GSE1: variants seen among roughly 807,000 people sequenced by gnomAD.
The protein encoded by GSE1 is Gse1 coiled-coil protein.
A neutral mutation model predicts 112.6 loss-of-function variants in GSE1; 32 were observed. The ratio of observed to expected loss-of-function variants is 0.28; its 90% CI spans 0.21 to 0.38. The LOEUF is 0.38. GSE1 is among the 10% of genes least tolerant of loss of function. The pLI is 1.00. For synonymous variants in GSE1, 1,115 were observed against 735.6 expected (o/e 1.52, Z -8.35); for missense variants, 2,348 against 1,699.2 (o/e 1.38, Z -6.71).
At chr16:85,469,609 C>G (rs1031842375) in intron 2 of GSE1, among the ~76,000 whole-genome samples, 7 of 152,202 alleles carry the variant, frequency 4.6e-5, no homozygotes, top group African/African-American at 1.7e-4. Flanking sequence ...GTTAAAAATT[C>G]TGTCTAGTGT....
intron 1 of GSE1, among the ~76,000 whole-genome samples, chr16:85,566,713 T>C (rs1431558965): frequency 6.6e-6 from 1 of 152,160 alleles, no homozygotes; most frequent in African/African-American, 2.4e-5. Context: ...TGTAATTCAT[T>C]TAGGATTAGC....
intron 3 of GSE1, among the ~76,000 whole-genome samples, chr16:85,650,777 G>A (rs1350766184): frequency 6.6e-6 from 1 of 152,050 alleles, no homozygotes; most frequent in Non-Finnish European, 1.5e-5. Context: ...GAGTGGGGAG[G>A]CAGAGAGAGG....
rs556095151 is a variant in GSE1 at position 85,454,952 on chromosome 16, T to G, written c.2464+97309T>G. ...CCTGCCCAGGTGCGGAGGGTGAGGG[T>G]ATGGACAGATCTTTCTGGAGAGCCG... On this transcript the variant is annotated intron_variant, in intron 2 of 2. Transcript: ENST00000637419. Among the ~76,000 whole-genome samples the G allele has an allele frequency of 2.3e-3, 355 of 152,080 alleles. 1 individual carries two copies. Among genetic ancestry groups the G allele is most frequent in the South Asian group, 0.015 (71 of 4,822 alleles).
chr16:85,231,368 G>C (rs1041781927), intron 1 of GSE1, among the ~76,000 whole-genome samples: 3 of 147,838 alleles, frequency 2.0e-5, no homozygotes, highest in Non-Finnish European at 4.5e-5. Flanking sequence ...ATGGACAGAA[G>C]GATAGATGGA....
chr16:85,175,599 G>A (rs1310871382), intron 1 of GSE1, among the ~76,000 whole-genome samples: 2 of 152,212 alleles, frequency 1.3e-5, no homozygotes, highest in Non-Finnish European at 2.9e-5. Context: ...CTGGCGCGAC[G>A]CTGGGTTTCT....
At position 85,663,502 on chromosome 16, in the gene GSE1, G is replaced by A. The variant is rs1381844382; in HGVS notation, c.2532G>A (p.Ala844=). 3 of 1,613,766 alleles carry A rather than the reference G, an allele frequency of 1.9e-6. No homozygotes were observed. Among genetic ancestry groups the A allele is most frequent in the Admixed American group, 1.7e-5 (1 of 60,002 alleles). ...GGCAGACGCCTTCACCGAGACTGGC[G>A]CTGTCTACCCGCTACAGCCCTGATG... ...SKRQTPSPRL[A]LSTRYSPDEM... Residue 844 remains alanine, a synonymous_variant, in exon 11 of 16, where the codon GCG becomes GCA. Coordinates refer to ENST00000253458, the MANE Select transcript of GSE1 (RefSeq NM_014615.5).
intron 2 of GSE1, among the ~76,000 whole-genome samples, chr16:85,640,325 C>T (rs916672791): frequency 5.3e-5 from 8 of 152,362 alleles, no homozygotes; most frequent in East Asian, 1.9e-4. Context: ...AGGTGTTGGC[C>T]GCTGTGTTAC....
At position 85,238,808 on chromosome 16, in the gene GSE1, C is replaced by T. The variant is rs892634482; in HGVS notation, c.2283+67001C>T. 2.0e-5 allele frequency among the ~76,000 whole-genome samples: 3 copies of T among 152,338 alleles called. 1 individual carries two copies. The highest frequency in any genetic ancestry group is 6.8e-3 in the Middle Eastern group (2 of 294). On this transcript the variant is annotated intron_variant, in intron 1 of 2. Transcript: ENST00000637419. Reference sequence around the variant, plus strand: ...TGCCACCAAGCTACCCTTCCCCTAACTTATTCATCCACAGGGCTCCTTCCT... The same window carrying T: ...TGCCACCAAGCTACCCTTCCCCTAATTTATTCATCCACAGGGCTCCTTCCT...
At chr16:85,177,946 A>C (rs11642920) in intron 1 of GSE1, among the ~76,000 whole-genome samples, 44,894 of 152,046 alleles carry the variant, frequency 0.3, 7,482 homozygotes, top group East Asian at 0.47. Flanking sequence ...CTTGGAGAAG[A>C]GCACCCATAT....
intron 2 of GSE1, among the ~76,000 whole-genome samples, chr16:85,495,223 C>T (rs1004564918): frequency 6.6e-6 from 1 of 152,046 alleles, no homozygotes; most frequent in African/African-American, 2.4e-5. Flanking sequence ...AATACTGACC[C>T]CAAGTCAAGC....
chr16:85,255,494 T>C (rs7190621), intron 1 of GSE1, among the ~76,000 whole-genome samples: 120,954 of 151,186 alleles, frequency 0.8, 49,193 homozygotes, highest in African/African-American at 0.95. Context: ...TCACTGCAAC[T>C]TTTGCCTCCC....
At chr16:85,634,930 C>G (rs894386888) in intron 2 of GSE1, among the ~76,000 whole-genome samples, 1 of 151,962 alleles carries the variant, frequency 6.6e-6, no homozygotes, top group Non-Finnish European at 1.5e-5. Flanking sequence ...CTCGGACACC[C>G]TCTGGACTCG....
At chr16:85,503,613 T>C (rs1234413066) in intron 2 of GSE1, among the ~76,000 whole-genome samples, 1 of 152,162 alleles carries the variant, frequency 6.6e-6, no homozygotes, top group Non-Finnish European at 1.5e-5. Context: ...AATTATGATC[T>C]CTTGCCTTGT....
At chr16:85,288,851 G>T (rs919046014) in intron 1 of GSE1, among the ~76,000 whole-genome samples, 2 of 152,182 alleles carry the variant, frequency 1.3e-5, no homozygotes, top group Non-Finnish European at 2.9e-5. Context: ...GAGAGAGAGG[G>T]AGTGGGGGTA....
intron 1 of GSE1, among the ~76,000 whole-genome samples, chr16:85,598,513 C>T (rs1220115959): frequency 1.3e-5 from 2 of 152,236 alleles, no homozygotes; most frequent in Non-Finnish European, 1.5e-5. Flanking sequence ...TACTTTAAAA[C>T]GAATGTGCTT....
rs1301481875 is a variant in GSE1, at chr16:85,194,612, AT to A, written c.2283+22813del. ...GAAGACTAATGACTCGAGTGTTGGG[AT>A]TTTTTTTCCCCCTTGCTCAAATGCA... is the stretch of plus-strand genomic sequence containing the variant. On this transcript the variant is annotated intron_variant, in intron 1 of 2. Transcript: ENST00000637419. Among the ~76,000 whole-genome samples the A allele has an allele frequency of 3.3e-5, 5 of 151,926 alleles. No individual in the cohort carries two copies. The South Asian group carries it at 8.3e-4, about 25-fold the overall frequency.
At chr16:85,481,951 C>T (rs1434133456) in intron 2 of GSE1, among the ~76,000 whole-genome samples, 1 of 152,268 alleles carries the variant, frequency 6.6e-6, no homozygotes, top group Non-Finnish European at 1.5e-5. Flanking sequence ...TACCGGCCTG[C>T]TCCTCAAGGC....
chr16:85,228,323 AGAG>A (rs1433684169), intron 1 of GSE1, among the ~76,000 whole-genome samples: 2 of 152,174 alleles, frequency 1.3e-5, no homozygotes, highest in Non-Finnish European at 2.9e-5. Flanking sequence ...GTTTTTGAGC[AGAG>A]GAGGTTGTCC....
rs562354832 is a variant in GSE1 at position 85,577,655 on chromosome 16, G to A, written c.37+21292G>A. ...CCAGGGTGAGTGTGGCACAGAGGTCGAGGGTCACCCGGCAGGTCCTGATCA... is the reference window on the plus strand; with the variant it reads ...CCAGGGTGAGTGTGGCACAGAGGTCAAGGGTCACCCGGCAGGTCCTGATCA... On this transcript the variant is annotated intron_variant, in intron 1 of 2. Coordinates refer to the GSE1 transcript ENST00000635906. Among the ~76,000 whole-genome samples, 7 of 152,224 alleles carry A rather than the reference G, an allele frequency of 4.6e-5. No individual in the cohort carries two copies. The South Asian group carries it at 1.5e-3, about 32-fold the overall frequency.
Sources: allele counts gnomAD v4.1 joint callset (sites outside exome capture counted in the v4.1 genomes callset), GRCh38; gene constraint gnomAD v4.1.1; transcripts MANE v1.5; gene names NCBI Gene and HGNC (gene_info 2026-07-23, HGNC 2026-07-21).